Variants in CATSPERB observed in about 807,000 individuals in gnomAD.
CATSPERB encodes the protein cation channel sperm-associated auxiliary subunit beta.
In CATSPERB, 93 loss-of-function variants were observed where a neutral mutation model predicts 128.3. That is an observed-to-expected ratio of 0.72 (90% CI 0.61 to 0.86). CATSPERB has a LOEUF of 0.86. Among genes scored for constraint, CATSPERB ranks in the 40% least tolerant of loss-of-function variants. CATSPERB has a pLI of 0.00. For synonymous variants in CATSPERB, 381 were observed against 448.8 expected (o/e 0.85, Z 1.91); for missense variants, 1,153 against 1,329.5 (o/e 0.87, Z 2.06).
At chr14:91,704,422 A>C (rs1895702562) in intron 7 of CATSPERB, 130 bp downstream of exon 7, 1 of 882,344 alleles carries the variant, frequency 1.1e-6, no homozygotes, top group South Asian at 2.1e-5. Context: ...TTGAATAATA[A>C]ATTTTTAGGT....
chr14:91,647,001 C>T (rs369754743), intron 15 of CATSPERB, among the ~76,000 whole-genome samples: 2 of 152,166 alleles, frequency 1.3e-5, no homozygotes, highest in South Asian at 2.1e-4. Flanking sequence ...GGCAGATCAC[C>T]TAAGGTCAGG....
In CATSPERB at chr14:91,639,096, C is replaced by A; in HGVS notation, c.1587G>T (p.Gln529His). Residue 529 changes from glutamine (Q) to histidine (H), a missense_variant and splice_region_variant, in exon 16 of 27, where the codon CAG becomes CAT. Physicochemically the swap from Gln to His is conservative, Grantham distance 24. Coordinates refer to ENST00000256343, the MANE Select transcript of CATSPERB (RefSeq NM_024764.4). ...CTGTTTCAATGCATTATATACTGAC[C>A]TGTCCAAAAAGATTTCTAGAATTTC... ...AFGNSRNLFG[Q>H]PPDMGFETAL... The A allele has an allele frequency of 6.2e-7, 1 of 1,613,446 alleles. No individual in the cohort carries two copies.
chr14:91,586,571 A>AAAGAGAGAGAGAGAGAGAGAGAG (rs1555358774), intron 26 of CATSPERB, among the ~76,000 whole-genome samples: 1 of 114,244 alleles, frequency 8.8e-6, no homozygotes, highest in African/African-American at 3.6e-5. Context: ...GAGAGAGAGA[A>AAAGAGAGAGAGAGAGAGAGAGAG]AGAGAGAGAG....
chr14:91,609,596 T>C (rs1893783435), intron 21 of CATSPERB, among the ~76,000 whole-genome samples: 1 of 152,256 alleles, frequency 6.6e-6, no homozygotes, highest in Admixed American at 6.5e-5. Flanking sequence ...TAAGTTTTGA[T>C]AAATTTTAAC....
At chr14:91,619,708 T>C (rs978279832) in intron 19 of CATSPERB, among the ~76,000 whole-genome samples, 3 of 152,098 alleles carry the variant, frequency 2.0e-5, no homozygotes. Flanking sequence ...TGACTCTCTG[T>C]TATGGTGGGT....
At chr14:91,672,750 A>G in intron 13 of CATSPERB, 117 bp downstream of exon 13, 1 of 738,900 alleles carries the variant, frequency 1.4e-6, no homozygotes, top group Non-Finnish European at 2.2e-6. Flanking sequence ...ATTTTGCTAT[A>G]GCCAATTTTA....
rs572675556 is a variant in CATSPERB, at chr14:91,593,390, G to C, written c.2710-1388C>G. Among the ~76,000 whole-genome samples the C allele has an allele frequency of 3.3e-5, 5 of 152,328 alleles. No homozygotes were observed. In the South Asian group the frequency reaches 1.0e-3, roughly 32 times the overall value. On this transcript the variant is annotated intron_variant, in intron 22 of 26. Transcript: ENST00000256343. ...GCCCGTGAAAGCAGCCAGGATGGAG[G>C]CTGTACCCTGCAAAGCCACAGGGGT...
chr14:91,694,438 C>CAAAAA (rs547649333), intron 7 of CATSPERB, among the ~76,000 whole-genome samples: 3 of 65,766 alleles, frequency 4.6e-5, no homozygotes, highest in East Asian at 4.9e-4. Context: ...GACCCTATCT[C>CAAAAA]AAAAAAAAAA....
intron 12 of CATSPERB, among the ~76,000 whole-genome samples, chr14:91,673,916 C>T (rs1401125744): frequency 6.6e-6 from 1 of 151,968 alleles, no homozygotes; most frequent in Non-Finnish European, 1.5e-5. Flanking sequence ...CTGTGCCTCT[C>T]TTCTGAGGGA....
At chr14:91,687,000 G>A (rs1029685196) in intron 10 of CATSPERB, among the ~76,000 whole-genome samples, 1 of 151,928 alleles carries the variant, frequency 6.6e-6, no homozygotes, top group Non-Finnish European at 1.5e-5. Context: ...GATAATTATT[G>A]ATAAGTGAAG....
At chr14:91,659,636 A>G (rs1304632288) in intron 15 of CATSPERB, among the ~76,000 whole-genome samples, 1 of 152,240 alleles carries the variant, frequency 6.6e-6, no homozygotes, top group African/African-American at 2.4e-5. Context: ...CTGAAATGGT[A>G]AATGAGAACA....
intron 11 of CATSPERB, among the ~76,000 whole-genome samples, chr14:91,678,806 A>G (rs1895233585): frequency 6.6e-6 from 1 of 152,200 alleles, no homozygotes; most frequent in South Asian, 2.1e-4. Flanking sequence ...CTTTGTTTGT[A>G]TGATTTTTTT....
At chr14:91,611,943 C>T (rs1171230116) in intron 20 of CATSPERB, among the ~76,000 whole-genome samples, 2 of 152,132 alleles carry the variant, frequency 1.3e-5, no homozygotes, top group African/African-American at 4.8e-5. Context: ...TTGAGGCTTC[C>T]CCATTCACTG....
At chr14:91,581,941 G>A (rs1893213492) in intron 26 of CATSPERB, among the ~76,000 whole-genome samples, 1 of 152,196 alleles carries the variant, frequency 6.6e-6, no homozygotes. Flanking sequence ...ATGACAGGCT[G>A]CTTTAAGGTC....
chr14:91,610,840 A>T (rs1015256507), intron 20 of CATSPERB, among the ~76,000 whole-genome samples, 163 bp from the exon 21 acceptor site: 5 of 152,194 alleles, frequency 3.3e-5, no homozygotes, highest in African/African-American at 1.2e-4. Context: ...AAATGAGGTC[A>T]TTTGGGTGGG....
chr14:91,725,561 TCTA>T (rs1344079488), intron 2 of CATSPERB, among the ~76,000 whole-genome samples: 1 of 152,166 alleles, frequency 6.6e-6, no homozygotes, highest in Non-Finnish European at 1.5e-5. Context: ...ACGGACCCCT[TCTA>T]CTTACTTACC....
At chr14:91,629,130 G>A (rs1051887797) in intron 17 of CATSPERB, among the ~76,000 whole-genome samples, 1 of 152,024 alleles carries the variant, frequency 6.6e-6, no homozygotes, top group Non-Finnish European at 1.5e-5. Flanking sequence ...TTCTTCAGTA[G>A]GTAAATGAAT....
intron 22 of CATSPERB, among the ~76,000 whole-genome samples, chr14:91,595,270 T>C (rs1893483467): frequency 6.6e-6 from 1 of 151,852 alleles, no homozygotes. Flanking sequence ...CTTTGTTCTA[T>C]AGGAGGAATC....
intron 18 of CATSPERB, 38 bp downstream of exon 18, chr14:91,624,782 T>G: frequency 7.1e-7 from 1 of 1,408,638 alleles, no homozygotes; most frequent in South Asian, 1.5e-5. Context: ...TTTCATTTTT[T>G]TCTAGCCATC....
Sources: gnomAD v4.1 joint callset for allele counts (sites outside exome capture counted in the v4.1 genomes callset) on GRCh38, gnomAD v4.1.1 for gene constraint, MANE v1.5 for transcripts, NCBI Gene and HGNC (gene_info 2026-07-23, HGNC 2026-07-21) for gene names.